The following ERI1 variants were observed in gnomAD, a reference collection of about 807,000 sequenced individuals.
The protein encoded by ERI1 is 3'-5' exoribonuclease 1.
Under a neutral mutation model 39.7 loss-of-function variants are expected in ERI1, and 39 were observed. The observed-to-expected ratio is 0.98, with a 90% CI of 0.76 to 1.28. The LOEUF (loss-of-function observed/expected upper bound fraction) is 1.28, where lower values mean the gene tolerates loss of function less well. ERI1 is among the 50% of genes most tolerant of loss of function. ERI1 has a pLI of 0.00. For missense variants in ERI1, 581 were observed against 416.9 expected, an observed-to-expected ratio of 1.39 and a Z score of -3.43; for synonymous variants, 204 against 149.6, an observed-to-expected ratio of 1.36 and a Z score of -2.65.
chr8:9,020,559 A>G (rs137954467), intron 6 of ERI1, 95 bp downstream of exon 6: 13 of 766,704 alleles, frequency 1.7e-5, no homozygotes, highest in Middle Eastern at 3.8e-4. Flanking sequence ...GGTGTTTTTC[A>G]TGGAAAAAAG....
intron 3 of ERI1, among the ~76,000 whole-genome samples, chr8:9,060,338 A>C (rs1338677918): frequency 1.3e-5 from 2 of 152,084 alleles, no homozygotes; most frequent in Non-Finnish European, 2.9e-5. Context: ...GTCTACCCAG[A>C]CTAAGAGATA....
rs375295480 is a variant in ERI1 at position 9,020,477 on chromosome 8, T to C, written c.807+13T>C. The C allele has an allele frequency of 1.4e-5, 20 of 1,465,958 alleles. No individual in the cohort carries two copies. The highest frequency in any genetic ancestry group is 1.9e-5 in the Admixed American group (1 of 52,940). 90.8% of individuals were successfully genotyped at this position (1,465,958 alleles called of 1,614,324 possible). ...AAATTTTTACAAGGTAAAATTTCTA[T>C]ATTTAATAATTACGTGGTTCTTAAT... On this transcript the variant is annotated intron_variant, in intron 6 of 6. Transcript: ENST00000250263.
intron 1 of ERI1, chr8:9,004,079 C>T (rs1815685567): frequency 2.3e-6 from 3 of 1,289,304 alleles, no homozygotes; most frequent in Admixed American, 2.3e-5. Flanking sequence ...CCCAGTGCCC[C>T]TCGCTGCCTT....
chr8:9,084,589 T>G (rs118005334), intron 3 of ERI1, among the ~76,000 whole-genome samples: 1 of 152,158 alleles, frequency 6.6e-6, no homozygotes, highest in East Asian at 1.9e-4. Flanking sequence ...AGATTTTGAC[T>G]AGGACTCGGG....
chr8:9,034,298 A>G (rs1327970845), downstream of ERI1, among the ~76,000 whole-genome samples: 1 of 152,258 alleles, frequency 6.6e-6, no homozygotes, highest in Non-Finnish European at 1.5e-5. Context: ...GTGGAGCCAC[A>G]AGGCATGCTT....
Position 9,002,908 on chromosome 8 carries a change from G to A in ERI1, c.-156G>A. The A allele has an allele frequency of 2.1e-6, 1 of 465,754 alleles. No individual in the cohort carries two copies. The highest frequency in any genetic ancestry group is 3.5e-6 in the Non-Finnish European group (1 of 289,058). 28.9% of individuals were successfully genotyped at this position (465,754 alleles called of 1,614,324 possible). ...GGCGTGTGGACGCCACACGCTCCCG[G>A]AAGTGGGAGGTGGCCGCTGGAGTTT... On this transcript the variant is annotated 5_prime_UTR_variant, in exon 1 of 7. Coordinates refer to ENST00000250263, the MANE Select transcript of ERI1 (RefSeq NM_153332.4).
intron 3 of ERI1, among the ~76,000 whole-genome samples, chr8:9,060,566 C>T (rs972750614): frequency 3.9e-5 from 6 of 152,068 alleles, no homozygotes; most frequent in African/African-American, 9.7e-5. Context: ...GACGGGCTAG[C>T]GGCTTGTAAC....
At position 9,011,569 on chromosome 8, in the gene ERI1, A is replaced by G. The variant is rs752680861; in HGVS notation, c.315A>G (p.Arg105=). The G allele has an allele frequency of 1.2e-5, 19 of 1,611,200 alleles. No individual in the cohort carries two copies. Among genetic ancestry groups the G allele is most frequent in the Non-Finnish European group, 8.5e-7 (1 of 1,178,734 alleles). Residue 105 remains arginine (R), a synonymous_variant, in exon 3 of 7, where the codon AGA becomes AGG. Transcript: ENST00000250263. ...TRGVKDVLKK[R]LKNYYKKQKL... is the part of the protein sequence containing the mutation. ...GAGTAAAGGATGTTCTAAAGAAGAG[A>G]CTGAAAAACTATTATAAGAAGCAGA...
At chr8:9,037,006 C>G (rs1299296247), downstream of ERI1, among the ~76,000 whole-genome samples, 1 of 152,158 alleles carries the variant, frequency 6.6e-6, no homozygotes, top group Non-Finnish European at 1.5e-5. Flanking sequence ...TATCCTCACC[C>G]CAGCCTCTGT....
rs191780626 is a variant in ERI1, at chr8:9,098,565, C to G, written n.300-17783C>G. Among the ~76,000 whole-genome samples the G allele has an allele frequency of 2.6e-5, 4 of 152,044 alleles. No individual in the cohort carries two copies. In the East Asian group the frequency reaches 7.7e-4, roughly 29 times the overall value. ...AAGGATACAGTGGGCTTTGGGGACT[C>G]CAGGCAATGGTTGGGAGGGAGGTGA... On this transcript the variant is annotated intron_variant and non_coding_transcript_variant, in intron 3 of 3. Coordinates refer to the ERI1 transcript ENST00000518663.
intron 3 of ERI1, among the ~76,000 whole-genome samples, chr8:9,046,893 C>G (rs1454685806): frequency 6.6e-6 from 1 of 152,172 alleles, no homozygotes; most frequent in Non-Finnish European, 1.5e-5. Flanking sequence ...CCAGGCAGAG[C>G]CAATTTCACA....
intron 3 of ERI1, among the ~76,000 whole-genome samples, chr8:9,047,901 G>T (rs571720942): frequency 6.6e-6 from 1 of 152,370 alleles, no homozygotes; most frequent in East Asian, 1.9e-4. Flanking sequence ...CACCATGCCA[G>T]GTGTTCCAGA....
chr8:9,058,354 C>G (rs1437465164), intron 3 of ERI1, among the ~76,000 whole-genome samples: 1 of 152,186 alleles, frequency 6.6e-6, no homozygotes, highest in Non-Finnish European at 1.5e-5. Context: ...TAACTAATGT[C>G]TGAGCATTTC....
At chr8:9,071,040 T>A (rs1426229243) in intron 3 of ERI1, among the ~76,000 whole-genome samples, 1 of 152,204 alleles carries the variant, frequency 6.6e-6, no homozygotes, top group Non-Finnish European at 1.5e-5. Flanking sequence ...TCTGGCTGTT[T>A]TGGTCTGTTG....
rs1027692871 is a variant in ERI1, at chr8:9,032,913, C to T, written c.*2879C>T. On this transcript the variant is annotated 3_prime_UTR_variant, in exon 7 of 7. Transcript: ENST00000250263. The stretch of plus-strand genomic sequence containing the variant: ...GGATGTATTGTACTTTGAAGGAAGA[C>T]TTTCCATTTCTAAGCTACCATGGAG... 6.6e-6 allele frequency: 1 copy of T among 152,192 alleles called. No individual in the cohort carries two copies. The highest frequency in any genetic ancestry group is 1.5e-5 in the Non-Finnish European group (1 of 68,034). The allele number at this position is 152,192 out of a possible 1,614,324, so 9.4% of individuals were successfully genotyped here. A position where few individuals can be genotyped will look rare whatever the true frequency, so the allele number is the denominator to read the frequency against.
chr8:9,058,867 A>AAATC (rs1369871854), intron 3 of ERI1, among the ~76,000 whole-genome samples: 20 of 146,874 alleles, frequency 1.4e-4, no homozygotes, highest in Admixed American at 1.1e-3. Flanking sequence ...ATAAATAAAT[A>AAATC]AATCTTTTAT....
Position 9,029,745 on chromosome 8 carries a change from C to A in ERI1, c.808-47C>A, listed in dbSNP as rs758686873. The A allele has an allele frequency of 2.5e-6, 4 of 1,605,144 alleles. No individual in the cohort carries two copies. The East Asian group carries it at 8.9e-5, about 36-fold the overall frequency. On this transcript the variant is annotated intron_variant, in intron 6 of 6. Transcript: ENST00000250263. ...TTCATCTTAACTGTGGCTTATATTACAGTTTAGAACACCAAAGAATTATTT... is the reference window on the plus strand; with the variant it reads ...TTCATCTTAACTGTGGCTTATATTAAAGTTTAGAACACCAAAGAATTATTT...
At chr8:9,029,079 A>G (rs1797401338) in intron 6 of ERI1, among the ~76,000 whole-genome samples, 1 of 148,718 alleles carries the variant, frequency 6.7e-6, no homozygotes, top group African/African-American at 2.5e-5. Context: ...CATTATCTTT[A>G]GCCATCCAAA....
chr8:9,084,484 G>T (rs1010510437), intron 3 of ERI1, among the ~76,000 whole-genome samples: 1 of 152,058 alleles, frequency 6.6e-6, no homozygotes, highest in Admixed American at 6.5e-5. Flanking sequence ...CTGCCTTCCC[G>T]ATATCAAATC....
Sources: allele counts gnomAD v4.1 joint callset (sites outside exome capture counted in the v4.1 genomes callset), GRCh38; gene constraint gnomAD v4.1.1; transcripts MANE v1.5; gene names NCBI Gene and HGNC (gene_info 2026-07-23, HGNC 2026-07-21).